CCDC171: variants seen among roughly 807,000 people sequenced by gnomAD.
CCDC171 encodes the protein coiled-coil domain containing 171, also known as coiled-coil domain-containing protein 171.
A neutral mutation model predicts 168.2 loss-of-function variants in CCDC171; 177 were observed. The observed-to-expected ratio is 1.05, with a 90% CI of 0.93 to 1.19. CCDC171 has a LOEUF of 1.19. Among genes scored for constraint, CCDC171 ranks in the 50% most tolerant of loss-of-function variants. CCDC171 has a pLI of 0.00. For missense variants in CCDC171, 1,991 were observed against 1,539.0 expected, an observed-to-expected ratio of 1.29 and a Z score of -4.91; for synonymous variants, 687 against 540.8, an observed-to-expected ratio of 1.27 and a Z score of -3.75.
chr9:16,103,427 A>G, the CCDC171 span, among the ~76,000 whole-genome samples: 2 of 152,204 alleles, frequency 1.3e-5, no homozygotes, highest in African/African-American at 4.8e-5. Context: ...GGGGAAGACA[A>G]CGGCACTTGT....
chr9:15,798,680 G>A (rs150488016), intron 21 of CCDC171, among the ~76,000 whole-genome samples: 88 of 152,206 alleles, frequency 5.8e-4, no homozygotes, highest in African/African-American at 2.0e-3. Context: ...TACTATGCCC[G>A]TTTATTAAAA....
At chr9:16,084,105 C>T in the CCDC171 span, among the ~76,000 whole-genome samples, 1 of 152,310 alleles carries the variant, frequency 6.6e-6, no homozygotes, top group East Asian at 1.9e-4. Context: ...CAATATGTTC[C>T]AGAAGTTGAG....
At chr9:15,799,003 G>T (rs958184239) in intron 21 of CCDC171, among the ~76,000 whole-genome samples, 1 of 150,754 alleles carries the variant, frequency 6.6e-6, no homozygotes, top group Non-Finnish European at 1.5e-5. Context: ...TTCTCTTTGT[G>T]TTGTTGTCAT....
intron 25 of CCDC171, among the ~76,000 whole-genome samples, chr9:15,947,901 T>C (rs1828613089): frequency 2.0e-5 from 3 of 151,986 alleles, no homozygotes. Context: ...TGTATACATG[T>C]GCCATGCTGG....
the CCDC171 span, among the ~76,000 whole-genome samples, chr9:16,095,263 C>T: frequency 6.6e-6 from 1 of 152,188 alleles, no homozygotes; most frequent in African/African-American, 2.4e-5. Context: ...GGCAAGGACA[C>T]AATCGCCTTC....
At chr9:15,905,109 TCAA>T (rs1822347051) in intron 24 of CCDC171, among the ~76,000 whole-genome samples, 2 of 152,276 alleles carry the variant, frequency 1.3e-5, no homozygotes, top group Non-Finnish European at 2.9e-5. Context: ...ATTAGACAGA[TCAA>T]CGAGACAGAA....
chr9:15,998,961 GA>G (rs941533680), intron 3 of CCDC171, among the ~76,000 whole-genome samples: 4 of 152,112 alleles, frequency 2.6e-5, no homozygotes, highest in Non-Finnish European at 2.9e-5. Flanking sequence ...AACTTTTTCT[GA>G]AAAAATCTAA....
intron 18 of CCDC171, among the ~76,000 whole-genome samples, chr9:15,747,308 G>T (rs2055366139): frequency 6.6e-6 from 1 of 152,236 alleles, no homozygotes; most frequent in Non-Finnish European, 1.5e-5. Flanking sequence ...GGAAGGGGCA[G>T]CTGTGGGCAC....
intron 18 of CCDC171, among the ~76,000 whole-genome samples, chr9:15,761,767 G>T (rs2056457483): frequency 6.6e-6 from 1 of 152,084 alleles, no homozygotes; most frequent in Non-Finnish European, 1.5e-5. Flanking sequence ...ATTTTGGGGA[G>T]CCACAATTTA....
downstream of CCDC171, among the ~76,000 whole-genome samples, chr9:16,065,210 T>C (rs962630740): frequency 3.1e-4 from 47 of 152,202 alleles, no homozygotes; most frequent in African/African-American, 1.1e-3. Context: ...TATTGTGTTA[T>C]TCTACCATTA....
intron 11 of CCDC171, among the ~76,000 whole-genome samples, chr9:15,704,098 A>G (rs1261369554): frequency 1.3e-5 from 2 of 152,352 alleles, no homozygotes; most frequent in Non-Finnish European, 1.5e-5. Context: ...AAAAATCGCA[A>G]TACCTGTGAA....
At chr9:15,560,604 T>G (rs1240728647) in intron 1 of CCDC171, among the ~76,000 whole-genome samples, 1 of 152,176 alleles carries the variant, frequency 6.6e-6, no homozygotes, top group African/African-American at 2.4e-5. Flanking sequence ...TTCTCTACAC[T>G]GTTTATTCTA....
chr9:15,638,771 A>T (rs1032826424), intron 7 of CCDC171, among the ~76,000 whole-genome samples: 3 of 151,882 alleles, frequency 2.0e-5, no homozygotes, highest in African/African-American at 7.3e-5. Context: ...TTAAAAAAAA[A>T]CAAACAAACT....
chr9:15,883,963 A>G (rs138560781), intron 24 of CCDC171, among the ~76,000 whole-genome samples: 89 of 152,346 alleles, frequency 5.8e-4, no homozygotes, highest in Middle Eastern at 3.4e-3. Context: ...AGGACTGGCA[A>G]TAAAGCAGTT....
chr9:16,018,191 G>T (rs1041673819), intron 3 of CCDC171, among the ~76,000 whole-genome samples: 4 of 152,140 alleles, frequency 2.6e-5, no homozygotes, highest in African/African-American at 9.7e-5. Context: ...CCTATTAGAT[G>T]AATTGTCAAT....
At position 15,823,116 on chromosome 9, in the gene CCDC171, A is replaced by G. The variant is rs946356736; in HGVS notation, c.3268-23586A>G. 7.4e-4 allele frequency among the ~76,000 whole-genome samples: 113 copies of G among 152,260 alleles called. 1 individual carries two copies. Among genetic ancestry groups the G allele is most frequent in the African/African-American group, 2.5e-3 (104 of 41,540 alleles). On this transcript the variant is annotated intron_variant, in intron 21 of 25. Transcript: ENST00000380701. ...AACCAAACACTGCATGTTCTCACTC[A>G]TAGGTGGGAATTGAACAATGAGAAC... is the stretch of plus-strand genomic sequence containing the variant.
chr9:16,084,201 G>C, the CCDC171 span, among the ~76,000 whole-genome samples: 3 of 152,178 alleles, frequency 2.0e-5, no homozygotes, highest in Non-Finnish European at 2.9e-5. Context: ...TTTTGGTCTT[G>C]AGTGCCATTT....
chr9:15,603,501 G>A (rs1043876363), intron 6 of CCDC171, among the ~76,000 whole-genome samples: 7 of 152,060 alleles, frequency 4.6e-5, no homozygotes, highest in Admixed American at 2.6e-4. Flanking sequence ...GAGAACATGC[G>A]GTATTTCGTT....
intron 21 of CCDC171, among the ~76,000 whole-genome samples, chr9:15,824,865 A>G (rs2059947886): frequency 6.6e-6 from 1 of 152,060 alleles, no homozygotes; most frequent in Non-Finnish European, 1.5e-5. Flanking sequence ...TGGTACTATT[A>G]TGAAGGGGTC....
Sources: gnomAD v4.1 joint callset for allele counts (sites outside exome capture counted in the v4.1 genomes callset) on GRCh38, gnomAD v4.1.1 for gene constraint, MANE v1.5 for transcripts, NCBI Gene and HGNC (gene_info 2026-07-23, HGNC 2026-07-21) for gene names.